CDH23: variants seen among roughly 807,000 people sequenced by gnomAD.
CDH23 encodes the protein cadherin-23.
In CDH23, 189 loss-of-function variants were observed where a neutral mutation model predicts 317.1. The observed-to-expected ratio is 0.60, with a 90% CI of 0.53 to 0.67. The LOEUF (loss-of-function observed/expected upper bound fraction) is 0.67. Ranked by LOEUF, CDH23 falls within the 30% of genes least tolerant of loss-of-function variation. The pLI is 0.00. For missense variants in CDH23, 4,401 were observed against 4,592.4 expected, an observed-to-expected ratio of 0.96 and a Z score of 1.20; for synonymous variants, 1,839 against 1,876.8, an observed-to-expected ratio of 0.98 and a Z score of 0.52.
chr10:71,687,761 G>C, intron 19 of CDH23, 42 bp downstream of exon 19: 2 of 1,580,366 alleles, frequency 1.3e-6, no homozygotes, highest in Non-Finnish European at 1.7e-6. Context: ...ATGGAGGTAG[G>C]CAGCCAGCAG....
intron 38 of CDH23, among the ~76,000 whole-genome samples, chr10:71,769,226 A>ATATCTTTCTCT (rs1227729136): frequency 2.2e-4 from 1 of 4,498 alleles, no homozygotes; most frequent in African/African-American, 1.5e-3. Context: ...TGTCTCTAAA[A>ATATCTTTCTCT]CATTTGCTAA....
At chr10:71,596,252 G>A (rs975545771) in intron 9 of CDH23, among the ~76,000 whole-genome samples, 3 of 152,284 alleles carry the variant, frequency 2.0e-5, no homozygotes, top group African/African-American at 4.8e-5. Flanking sequence ...TCTCGAGGTT[G>A]CATCTTACAC....
chr10:71,788,273 C>A (rs1411246582), intron 44 of CDH23, among the ~76,000 whole-genome samples: 1 of 151,994 alleles, frequency 6.6e-6, no homozygotes, highest in Non-Finnish European at 1.5e-5. Context: ...TGGTCTCGAA[C>A]TCCTGACCTT....
intron 11 of CDH23, among the ~76,000 whole-genome samples, chr10:71,624,737 T>C (rs950675537): frequency 4.6e-4 from 30 of 65,596 alleles, no homozygotes; most frequent in African/African-American, 1.1e-3. Flanking sequence ...ACATTAGCTA[T>C]TATTATTATT....
At chr10:71,465,692 T>C (rs1851217716) in intron 3 of CDH23, among the ~76,000 whole-genome samples, 1 of 152,208 alleles carries the variant, frequency 6.6e-6, no homozygotes, top group Admixed American at 6.5e-5. Flanking sequence ...ACAGCTACTA[T>C]GAATTCTTTG....
chr10:71,489,127 G>T (rs1852508111), intron 3 of CDH23, among the ~76,000 whole-genome samples: 1 of 152,108 alleles, frequency 6.6e-6, no homozygotes, highest in Non-Finnish European at 1.5e-5. Context: ...TGGAGTTTTT[G>T]ATTAATTCTG....
At chr10:71,479,218 A>G (rs943230791) in intron 3 of CDH23, among the ~76,000 whole-genome samples, 1 of 152,156 alleles carries the variant, frequency 6.6e-6, no homozygotes, top group Non-Finnish European at 1.5e-5. Flanking sequence ...TCATATCCAG[A>G]CTGATTTCTT....
chr10:71,759,846 C>CACACACATACACACACACACAT (rs776230069), intron 38 of CDH23, among the ~76,000 whole-genome samples: 4 of 59,932 alleles, frequency 6.7e-5, no homozygotes, highest in African/African-American at 2.4e-4. Flanking sequence ...CACACACACA[C>CACACACATACACACACACACAT]ATATACACAC....
chr10:71,811,599 C>T lies in CDH23; in HGVS notation c.9278+9C>T. The T allele has an allele frequency of 1.2e-6, 2 of 1,613,874 alleles. No individual in the cohort carries two copies. The highest frequency in any genetic ancestry group is 1.3e-5 in the African/African-American group (1 of 75,042). ...TGGTACTACAGGACTGTGTGAGTGTCCCCCACCCCTGCCATCAGGGGGCCG... is the reference window on the plus strand; with the variant it reads ...TGGTACTACAGGACTGTGTGAGTGTTCCCCACCCCTGCCATCAGGGGGCCG... On this transcript the variant is annotated intron_variant, in intron 64 of 69. Coordinates refer to ENST00000224721, the MANE Select transcript of CDH23 (RefSeq NM_022124.6).
chr10:71,797,292 G>A (rs1841429535), intron 49 of CDH23, 72 bp downstream of exon 49: 3 of 1,036,610 alleles, frequency 2.9e-6, no homozygotes, highest in Admixed American at 2.0e-5. Flanking sequence ...TGGGGAACAG[G>A]CACTGGTCTG....
At chr10:71,659,313 G>A (rs79622825) in intron 14 of CDH23, among the ~76,000 whole-genome samples, 2,764 of 152,310 alleles carry the variant, frequency 0.018, 84 homozygotes, top group African/African-American at 0.064. Context: ...GAACTCAGGT[G>A]ACAGGGGAGA....
At chr10:71,804,949 C>T (rs566501671) in intron 55 of CDH23, among the ~76,000 whole-genome samples, 1 of 152,280 alleles carries the variant, frequency 6.6e-6, no homozygotes, top group African/African-American at 2.4e-5. Context: ...AAGGGCTTTG[C>T]ATTTGGAAAG....
At chr10:71,442,176 A>G (rs558607346) in intron 2 of CDH23, among the ~76,000 whole-genome samples, 1 of 152,358 alleles carries the variant, frequency 6.6e-6, no homozygotes, top group Admixed American at 6.5e-5. Context: ...AAATTGCCCA[A>G]GGTCACCCAG....
chr10:71,778,388 G>C, intron 40 of CDH23, 80 bp downstream of exon 40: 1 of 1,561,418 alleles, frequency 6.4e-7, no homozygotes, highest in Non-Finnish European at 8.7e-7. Context: ...ATGCGGGAAG[G>C]GGTTAGGGGA....
At chr10:71,559,040 T>C (rs1856999855) in intron 6 of CDH23, among the ~76,000 whole-genome samples, 1 of 152,182 alleles carries the variant, frequency 6.6e-6, no homozygotes. Context: ...GTCTAACCAC[T>C]CTTTTTAAAG....
At chr10:71,740,643 GGGGAGAGCCCAGGGCTGGCC>G (rs950357014) in intron 36 of CDH23, among the ~76,000 whole-genome samples, 159 bp from the exon 37 acceptor site, 111 of 152,300 alleles carry the variant, frequency 7.3e-4, no homozygotes, top group African/African-American at 1.8e-3. Flanking sequence ...TGAAGGCTTT[GGGGAGAGCCCAGGGCTGGCC>G]GGGAGAGCCC....
intron 11 of CDH23, among the ~76,000 whole-genome samples, chr10:71,628,563 A>G (rs1861858642): frequency 6.6e-6 from 1 of 152,134 alleles, no homozygotes; most frequent in Admixed American, 6.5e-5. Flanking sequence ...CAGTGGCGCA[A>G]TCTTGGCTCA....
chr10:71,402,798 T>C (rs1847846362), intron 1 of CDH23, among the ~76,000 whole-genome samples: 1 of 152,118 alleles, frequency 6.6e-6, no homozygotes, highest in Non-Finnish European at 1.5e-5. Context: ...GGTTTTTCTT[T>C]TGTAATTACT....
chr10:71,411,891 T>A (rs1848360921), intron 1 of CDH23, among the ~76,000 whole-genome samples: 1 of 152,214 alleles, frequency 6.6e-6, no homozygotes, highest in Non-Finnish European at 1.5e-5. Flanking sequence ...TGTGCAACTA[T>A]CACCACTATG....
Sources: allele counts gnomAD v4.1 joint callset (sites outside exome capture counted in the v4.1 genomes callset), GRCh38; gene constraint gnomAD v4.1.1; transcripts MANE v1.5; gene names NCBI Gene and HGNC (gene_info 2026-07-23, HGNC 2026-07-21).